Variants in ROBO2 observed in about 807,000 individuals in gnomAD.
The protein encoded by ROBO2 is roundabout homolog 2.
Under a neutral mutation model 160.8 loss-of-function variants are expected in ROBO2, and 53 were observed. That is an observed-to-expected ratio of 0.33 (90% CI 0.26 to 0.41). The LOEUF (loss-of-function observed/expected upper bound fraction) is 0.41. Ranked by LOEUF, ROBO2 falls within the 10% of genes least tolerant of loss-of-function variation. The pLI is 1.00. For synonymous variants in ROBO2, 664 were observed against 611.7 expected (o/e 1.09, Z -1.26); for missense variants, 1,577 against 1,722.4 (o/e 0.92, Z 1.49).
intron 2 of ROBO2, among the ~76,000 whole-genome samples, chr3:77,420,268 T>A (rs896532239): frequency 6.8e-5 from 10 of 147,678 alleles, no homozygotes; most frequent in East Asian, 2.0e-4. Context: ...TTTTTTTTTT[T>A]AAATCAAATA....
At chr3:77,419,413 T>C (rs2077520374) in intron 2 of ROBO2, among the ~76,000 whole-genome samples, 1 of 152,052 alleles carries the variant, frequency 6.6e-6, no homozygotes, top group African/African-American at 2.4e-5. Flanking sequence ...TCTATAAACA[T>C]TTGCTTGTGA....
intron 2 of ROBO2, among the ~76,000 whole-genome samples, chr3:76,007,994 A>G (rs1354436705): frequency 6.6e-6 from 1 of 152,044 alleles, no homozygotes; most frequent in Non-Finnish European, 1.5e-5. Flanking sequence ...CTGTAATCCC[A>G]GCACTTTGGG....
chr3:76,517,882 T>C (rs2081417371), intron 2 of ROBO2, among the ~76,000 whole-genome samples: 1 of 152,176 alleles, frequency 6.6e-6, no homozygotes, highest in Non-Finnish European at 1.5e-5. Flanking sequence ...CATGTCATTT[T>C]AGATTTAAAT....
At chr3:76,887,193 C>CCTTTTCTTTTT in intron 2 of ROBO2, among the ~76,000 whole-genome samples, 1 of 120,444 alleles carries the variant, frequency 8.3e-6, no homozygotes, top group Admixed American at 9.8e-5. Flanking sequence ...CTTCAGGAAG[C>CCTTTTCTTTTT]ATTTTTTTTT....
chr3:76,720,333 G>A (rs1382455386), intron 2 of ROBO2, among the ~76,000 whole-genome samples: 1 of 152,152 alleles, frequency 6.6e-6, no homozygotes, highest in African/African-American at 2.4e-5. Context: ...CTGTGATATT[G>A]TATTAGAACA....
chr3:77,166,135 G>A (rs567211251), intron 2 of ROBO2, among the ~76,000 whole-genome samples: 27 of 152,140 alleles, frequency 1.8e-4, no homozygotes, highest in Non-Finnish European at 3.2e-4. Flanking sequence ...GCATGTGCCC[G>A]TAGTCCCAGC....
intron 2 of ROBO2, among the ~76,000 whole-genome samples, chr3:76,553,308 A>G (rs923777338): frequency 6.6e-6 from 1 of 152,166 alleles, no homozygotes; most frequent in African/African-American, 2.4e-5. Flanking sequence ...AGAGATATCG[A>G]ATAGCGTGGA....
At chr3:76,363,715 A>G (rs2075655333) in intron 2 of ROBO2, among the ~76,000 whole-genome samples, 1 of 152,138 alleles carries the variant, frequency 6.6e-6, no homozygotes, top group African/African-American at 2.4e-5. Context: ...TAGGGAGCCA[A>G]TATTAATCAA....
At chr3:77,429,584 G>A (rs2078563370) in intron 2 of ROBO2, among the ~76,000 whole-genome samples, 1 of 148,696 alleles carries the variant, frequency 6.7e-6, no homozygotes, top group Admixed American at 6.7e-5. Context: ...ATAGAAAACA[G>A]TTCAAAATTG....
chr3:76,513,208 T>C (rs919251845), intron 2 of ROBO2, among the ~76,000 whole-genome samples: 2 of 152,152 alleles, frequency 1.3e-5, no homozygotes, highest in Admixed American at 1.3e-4. Flanking sequence ...GGAAGGCACA[T>C]GGTGATGAGG....
intron 2 of ROBO2, among the ~76,000 whole-genome samples, chr3:76,239,709 T>C: frequency 6.6e-6 from 1 of 152,188 alleles, no homozygotes; most frequent in Non-Finnish European, 1.5e-5. Flanking sequence ...TCTTTAATTT[T>C]TGTAACAAAA....
intron 2 of ROBO2, among the ~76,000 whole-genome samples, chr3:77,139,342 T>C (rs2076525031): frequency 6.6e-6 from 1 of 152,172 alleles, no homozygotes; most frequent in Non-Finnish European, 1.5e-5. Context: ...CCATGTACTT[T>C]ATTCCATTAA....
At chr3:77,118,479 T>C (rs2074418591) in intron 2 of ROBO2, among the ~76,000 whole-genome samples, 1 of 152,200 alleles carries the variant, frequency 6.6e-6, no homozygotes, top group Non-Finnish European at 1.5e-5. Context: ...GGTTTTAAAT[T>C]CTTAAATGTG....
Position 76,624,796 on chromosome 3 carries a change from C to CAAAAAAAA in ROBO2, c.110-473187_110-473180dup, listed in dbSNP as rs57920315. Among the ~76,000 whole-genome samples, 73 of 46,326 alleles carry CAAAAAAAA rather than the reference C, an allele frequency of 1.6e-3. 5 individuals are homozygous for CAAAAAAAA. The highest frequency in any genetic ancestry group is 2.0e-3 in the African/African-American group (19 of 9,712). The allele number at this position is 46,326 out of a possible 152,430, so 30.4% of individuals were successfully genotyped here. A position where few individuals can be genotyped will look rare whatever the true frequency, so the allele number is the denominator to read the frequency against. ...TGAGTGACAGAGTGAGACTCCGTCT[C>CAAAAAAAA]AAAAAAAAAAAAAAAAAAAAAAAAA... On this transcript the variant is annotated intron_variant, in intron 2 of 26. Coordinates refer to the ROBO2 transcript ENST00000487694.
chr3:77,491,572 G>A (rs2086117271), intron 4 of ROBO2, among the ~76,000 whole-genome samples: 1 of 152,036 alleles, frequency 6.6e-6, no homozygotes, highest in Non-Finnish European at 1.5e-5. Flanking sequence ...AGCTGTTTTG[G>A]GCACATAGTG....
At chr3:77,391,606 G>T (rs550872445) in intron 2 of ROBO2, among the ~76,000 whole-genome samples, 1 of 152,070 alleles carries the variant, frequency 6.6e-6, no homozygotes, top group African/African-American at 2.4e-5. Context: ...AACTCCCACT[G>T]AGTCTCTCTC....
intron 2 of ROBO2, among the ~76,000 whole-genome samples, chr3:76,168,304 C>T (rs2072911694): frequency 1.3e-5 from 2 of 152,160 alleles, no homozygotes; most frequent in South Asian, 4.1e-4. Flanking sequence ...ACATATTGAA[C>T]TTCAGAAGTC....
intron 2 of ROBO2, among the ~76,000 whole-genome samples, chr3:77,131,457 C>T (rs1039628839): frequency 2.6e-5 from 4 of 152,028 alleles, no homozygotes; most frequent in East Asian, 1.9e-4. Context: ...GTGGCATGTA[C>T]GTTTAAGATA....
intron 1 of ROBO2, among the ~76,000 whole-genome samples, chr3:77,045,308 T>C (rs1487940016): frequency 6.6e-6 from 1 of 152,128 alleles, no homozygotes; most frequent in Admixed American, 6.5e-5. Context: ...CCTCAATCCT[T>C]AGTGTTTTCT....
Sources: allele counts gnomAD v4.1 joint callset (sites outside exome capture counted in the v4.1 genomes callset), GRCh38; gene constraint gnomAD v4.1.1; transcripts MANE v1.5; gene names NCBI Gene and HGNC (gene_info 2026-07-23, HGNC 2026-07-21).